PGBD1: variants seen among roughly 807,000 people sequenced by gnomAD.
PGBD1 encodes the protein piggyBac transposable element derived 1, also known as piggyBac transposable element-derived protein 1.
Under a neutral mutation model 34.7 loss-of-function variants are expected in PGBD1, and 25 were observed. The observed-to-expected ratio is 0.72, with a 90% CI of 0.52 to 1.00. The LOEUF is 1.00. Among genes scored for constraint, PGBD1 ranks in the 50% least tolerant of loss-of-function variants. The probability of loss-of-function intolerance (pLI) is 0.00; values close to 1 mark genes in which losing one functional copy is unlikely to be tolerated. For missense variants in PGBD1, 830 were observed against 959.4 expected, an observed-to-expected ratio of 0.87 and a Z score of 1.78; for synonymous variants, 292 against 335.7, an observed-to-expected ratio of 0.87 and a Z score of 1.42.
In PGBD1 at chr6:28,301,465, T is replaced by C. The variant is rs768329427; in HGVS notation, c.1611T>C (p.Ala537=). The C allele has an allele frequency of 6.2e-7, 1 of 1,613,978 alleles. No individual in the cohort carries two copies. The highest frequency in any genetic ancestry group is 8.5e-7 in the Non-Finnish European group (1 of 1,180,004). The change falls in exon 7 of 7, where the codon GCT becomes GCC. Residue 537 remains alanine (A), a synonymous_variant. Transcript: ENST00000682144. Reference sequence around the variant, plus strand: ...TGAATAAAAATTTCCTCTTGTATGCTCCCCTGGAAGAATACTATTGCTTTG... The same window carrying C: ...TGAATAAAAATTTCCTCTTGTATGCCCCCCTGGAAGAATACTATTGCTTTG... ...KQMNKNFLLY[A]PLEEYYCFDK...
chr6:28,300,757 T>C lies in PGBD1; in HGVS notation c.903T>C (p.Pro301=), dbSNP rs774864891. 9 of 1,613,880 alleles carry C rather than the reference T, an allele frequency of 5.6e-6. No homozygotes were observed. The highest frequency in any genetic ancestry group is 2.2e-5 in the South Asian group (2 of 91,018). The change falls in exon 7 of 7, where the codon CCT becomes CCC. Residue 301 remains proline (P), a synonymous_variant. Coordinates refer to ENST00000682144, the MANE Select transcript of PGBD1 (RefSeq NM_032507.4). The surrounding 1 kb of genome is among the most constrained non-coding windows in gnomAD (Gnocchi z 4.0). ...CACCCCAGATTCCTTGTAGTACTCC[T>C]ATTGCTACTGAAAGGACAGTTGCAC... is the stretch of plus-strand genomic sequence containing the variant. ...ECAPQIPCST[P]IATERTVAHL... is the part of the protein sequence containing the mutation.
At chr6:28,293,821 G>T (rs1014776588) in intron 4 of PGBD1, among the ~76,000 whole-genome samples, 3 of 151,928 alleles carry the variant, frequency 2.0e-5, no homozygotes, top group Non-Finnish European at 4.4e-5. Flanking sequence ...CCTTTCCTTG[G>T]TCCTTGCTAT....
At chr6:28,295,063 A>C (rs958800813) in intron 4 of PGBD1, among the ~76,000 whole-genome samples, 1 of 152,240 alleles carries the variant, frequency 6.6e-6, no homozygotes, top group African/African-American at 2.4e-5. Flanking sequence ...AAATACCAAC[A>C]TTAACAGGAG....
chr6:28,281,636 C>T lies in PGBD1; in HGVS notation c.-321C>T, dbSNP rs930554189. 2 of 372,414 alleles carry T rather than the reference C, an allele frequency of 5.4e-6. No individual in the cohort carries two copies. Among genetic ancestry groups the T allele is most frequent in the Non-Finnish European group, 9.5e-6 (2 of 211,622 alleles). 23.1% of individuals were successfully genotyped at this position (372,414 alleles called of 1,614,324 possible). On this transcript the variant is annotated 5_prime_UTR_variant, in exon 1 of 7. Transcript: ENST00000682144. ...AGACCCGCCAGCCCAGCGGCCCGGG[C>T]TCTGGGGAAACCGGCGCTCCCGACA...
At position 28,281,576 on chromosome 6, in the gene PGBD1, C is replaced by T. The variant is rs1336424181; in HGVS notation, c.-381C>T. 3 of 390,068 alleles carry T rather than the reference C, an allele frequency of 7.7e-6. No individual in the cohort carries two copies. The highest frequency in any genetic ancestry group is 9.0e-6 in the Non-Finnish European group (2 of 221,278). 24.2% of individuals were successfully genotyped at this position (390,068 alleles called of 1,614,324 possible). A position where few individuals can be genotyped will look rare whatever the true frequency, so the allele number is the denominator to read the frequency against. On this transcript the variant is annotated 5_prime_UTR_variant, in exon 1 of 7. Transcript: ENST00000682144. The stretch of plus-strand genomic sequence containing the variant: ...GCGGCGCAGGGAGAAGCTTTTGTAC[C>T]CGCCCAGCTGCTGGAGGCGCCGGCA...
intron 1 of PGBD1, 60 bp from the exon 2 acceptor site, chr6:28,283,716 C>G: frequency 7.0e-7 from 1 of 1,436,332 alleles, no homozygotes; most frequent in East Asian, 2.3e-5. Context: ...TTTTGAAGCT[C>G]TTATAATTTG....
At position 28,301,611 on chromosome 6, in the gene PGBD1, A is replaced by T. The variant is rs755767133; in HGVS notation, c.1757A>T (p.Tyr586Phe). The change falls in exon 7 of 7, where the codon TAT becomes TTT. Residue 586 changes from tyrosine to phenylalanine, a missense_variant. Tyr to Phe is a conservative substitution (Grantham distance 22). Around this residue, in one of 3 missense-constraint regions of PGBD1, gnomAD observed 372 missense variants for 427.9 expected, o/e 0.87. Coordinates refer to ENST00000682144, the MANE Select transcript of PGBD1 (RefSeq NM_032507.4). ...GGTTATCTGGTTTGGTTTGAACCCT[A>T]TCAAGAAGAATCAACTATGAAGGTA... ...TQGYLVWFEP[Y>F]QEESTMKVDE... The T allele has an allele frequency of 6.2e-6, 10 of 1,614,086 alleles. No homozygotes were observed. The South Asian group carries it at 1.1e-4, about 18-fold the overall frequency.
intron 4 of PGBD1, among the ~76,000 whole-genome samples, chr6:28,294,730 CAAAAA>C (rs1300010214): frequency 6.6e-6 from 1 of 151,766 alleles, no homozygotes; most frequent in African/African-American, 2.4e-5. Flanking sequence ...ACATACTACT[CAAAAA>C]AGAAAAAAAG....
At chr6:28,291,090 T>A (rs113782090) in intron 4 of PGBD1, among the ~76,000 whole-genome samples, 19 of 19,356 alleles carry the variant, frequency 9.8e-4, no homozygotes, top group African/African-American at 1.9e-3. Flanking sequence ...AGGAAACAAA[T>A]AAAGATTAGA....
In PGBD1 at chr6:28,283,962, T is replaced by C. The variant is rs764668438; in HGVS notation, c.149T>C (p.Phe50Ser). The C allele has an allele frequency of 3.7e-6, 6 of 1,614,210 alleles. No individual in the cohort carries two copies. In the South Asian group the frequency reaches 6.6e-5, roughly 18 times the overall value. ...ATTTGCCGCCTGCGCTTTCGGCACTTCTGCTACCAGGAGGCTCACGGACCC... is the reference window on the plus strand; with the variant it reads ...ATTTGCCGCCTGCGCTTTCGGCACTCCTGCTACCAGGAGGCTCACGGACCC... ...QEICRLRFRH[F>S]CYQEAHGPQE... The change falls in exon 2 of 7, where the codon TTC (phenylalanine) becomes TCC (serine). Residue 50 changes from phenylalanine to serine, a missense_variant. This residue lies in a region of PGBD1 where 457 missense variants were observed against 515.4 expected (regional missense o/e 0.89). Transcript: ENST00000682144.
chr6:28,285,585 C>A lies in PGBD1; in HGVS notation c.431C>A (p.Pro144Gln), dbSNP rs1259378231. The A allele has an allele frequency of 3.7e-6, 6 of 1,614,116 alleles. No individual in the cohort carries two copies. The highest frequency in any genetic ancestry group is 5.1e-6 in the Non-Finnish European group (6 of 1,180,012). Residue 144 changes from proline (P) to glutamine (Q), a missense_variant, in exon 3 of 7, where the codon CCA becomes CAA. By Grantham distance (76) the Pro-to-Gln change is moderately conservative (BLOSUM62 -1). Coordinates refer to ENST00000682144, the MANE Select transcript of PGBD1 (RefSeq NM_032507.4). ...SVYIQGQDMH[P>Q]MVAEYQGVSL... The stretch of plus-strand genomic sequence containing the variant: ...TATATTCAGGGACAGGACATGCACC[C>A]AATGGTGGCAGAATATCAAGGAGTC...
intron 3 of PGBD1, among the ~76,000 whole-genome samples, chr6:28,285,936 G>C (rs1185281793): frequency 1.3e-5 from 2 of 152,148 alleles, no homozygotes; most frequent in Non-Finnish European, 2.9e-5. Context: ...CATTCTGTAC[G>C]TAGGTCTTCA....
At position 28,281,607 on chromosome 6, in the gene PGBD1, C is replaced by T; in HGVS notation, c.-350C>T. ...AGCTGCTGGAGGCGCCGGCAGCGCC[C>T]GCCAGACCCGCCAGCCCAGCGGCCC... On this transcript the variant is annotated 5_prime_UTR_variant, in exon 1 of 7. Transcript: ENST00000682144. 3 of 382,468 alleles carry T rather than the reference C, an allele frequency of 7.8e-6. No individual in the cohort carries two copies. The highest frequency in any genetic ancestry group is 3.7e-5 in the East Asian group (1 of 27,120). 23.7% of individuals were successfully genotyped at this position (382,468 alleles called of 1,614,324 possible).
intron 4 of PGBD1, among the ~76,000 whole-genome samples, chr6:28,294,542 G>A (rs955788659): frequency 2.0e-5 from 3 of 152,142 alleles, no homozygotes; most frequent in Non-Finnish European, 2.9e-5. Flanking sequence ...AGGGGCTTAC[G>A]CAGTTGGTGA....
Position 28,301,942 on chromosome 6 carries a change from T to G in PGBD1, c.2088T>G (p.Ser696Arg). The change falls in exon 7 of 7, where the codon AGT becomes AGG. Residue 696 changes from serine to arginine, a missense_variant. By Grantham distance (110) the Ser-to-Arg change is moderately radical (BLOSUM62 -1). Transcript: ENST00000682144. ...LCRWYGDGII[S>R]LCSNAVGIEP... is the part of the protein sequence containing the mutation. ...GTTGGTATGGGGATGGCATTATCAGTCTGTGCTCCAATGCTGTGGGCATAG... is the reference window on the plus strand; with the variant it reads ...GTTGGTATGGGGATGGCATTATCAGGCTGTGCTCCAATGCTGTGGGCATAG... 1 of 1,614,190 alleles carries G rather than the reference T, an allele frequency of 6.2e-7. No homozygotes were observed. Among genetic ancestry groups the G allele is most frequent in the Non-Finnish European group, 8.5e-7 (1 of 1,180,030 alleles).
At position 28,300,872 on chromosome 6, in the gene PGBD1, C is replaced by T. The variant is rs778004869; in HGVS notation, c.1018C>T (p.Arg340Ter). The change falls in exon 7 of 7, where the codon CGA (arginine) becomes TGA (stop). Residue 340 changes from arginine (R) to a stop codon, truncating the protein, a stop_gained. Transcript: ENST00000682144. LOFTEE classifies it low-confidence loss of function (END_TRUNC). The surrounding 1 kb of genome is among the most constrained non-coding windows in gnomAD (Gnocchi z 4.0). Reference protein sequence around the residue: ...SLEYAAGDITRKGRKKDKARV... With the variant: ...SLEYAAGDIT The stretch of plus-strand genomic sequence containing the variant: ...GGAATATGCTGCAGGAGACATTACC[C>T]GAAAAGGGAGAAAAAAAGACAAAGC... 1.6e-5 allele frequency: 26 copies of T among 1,613,860 alleles called. No individual in the cohort carries two copies. Among genetic ancestry groups the T allele is most frequent in the Admixed American group, 3.3e-5 (2 of 59,990 alleles).
At chr6:28,285,797 G>T (rs1762270782) in intron 3 of PGBD1, 90 bp downstream of exon 3, 1 of 1,335,786 alleles carries the variant, frequency 7.5e-7, no homozygotes, top group African/African-American at 1.5e-5. Context: ...TATACATTGT[G>T]AAATGATTAC....
At position 28,300,634 on chromosome 6, in the gene PGBD1, G is replaced by A. The variant is rs1323130366; in HGVS notation, c.870-90G>A. 33 of 1,121,120 alleles carry A rather than the reference G, an allele frequency of 2.9e-5. No homozygotes were observed. The highest frequency in any genetic ancestry group is 3.6e-5 in the Non-Finnish European group (29 of 796,430). 69.4% of individuals were successfully genotyped at this position (1,121,120 alleles called of 1,614,324 possible). The stretch of plus-strand genomic sequence containing the variant: ...AAGTATCCCCCCACACCCACCCCAA[G>A]CCCCAAAAGATTTAAGCTTCAGCAG... On this transcript the variant is annotated intron_variant, in intron 6 of 6. Coordinates refer to ENST00000682144, the MANE Select transcript of PGBD1 (RefSeq NM_032507.4). The surrounding 1 kb of genome is among the most constrained non-coding windows in gnomAD (Gnocchi z 4.0).
At position 28,284,162 on chromosome 6, in the gene PGBD1, A is replaced by G. The variant is rs1347869352; in HGVS notation, c.349A>G (p.Thr117Ala). ...YPLESGEEAVTVLENLETGSG... is the reference protein window; with the variant it reads ...YPLESGEEAVAVLENLETGSG... ...TCTGGAGAGTGGAGAGGAGGCAGTGACAGTGCTGGAGAATCTAGAGACAGG... is the reference window on the plus strand; with the variant it reads ...TCTGGAGAGTGGAGAGGAGGCAGTGGCAGTGCTGGAGAATCTAGAGACAGG... Residue 117 changes from threonine (T) to alanine (A), a missense_variant, in exon 2 of 7, where the codon ACA becomes GCA. By Grantham distance (58) the Thr-to-Ala change is moderately conservative. Coordinates refer to ENST00000682144, the MANE Select transcript of PGBD1 (RefSeq NM_032507.4). 6.3e-7 allele frequency: 1 copy of G among 1,595,820 alleles called. No homozygotes were observed. The highest frequency in any genetic ancestry group is 8.6e-7 in the Non-Finnish European group (1 of 1,169,522).
Sources: gnomAD v4.1 joint callset for allele counts (sites outside exome capture counted in the v4.1 genomes callset) on GRCh38, gnomAD v4.1.1 for gene constraint, gnomAD v4.1.1 regional missense constraint, Gnocchi (gnomAD v3.1) non-coding constraint, MANE v1.5 for transcripts, NCBI Gene and HGNC (gene_info 2026-07-23, HGNC 2026-07-21) for gene names.